The following NDUFA10 variants were observed in gnomAD, a reference collection of about 807,000 sequenced individuals.
The protein encoded by NDUFA10 is NADH dehydrogenase [ubiquinone] 1 alpha subcomplex subunit 10, mitochondrial.
A neutral mutation model predicts 47.8 loss-of-function variants in NDUFA10; 40 were observed. The observed-to-expected ratio is 0.84, with a 90% CI of 0.65 to 1.09. The LOEUF is 1.09. NDUFA10 is among the 50% of genes least tolerant of loss of function. NDUFA10 has a pLI of 0.00. For synonymous variants in NDUFA10, 183 were observed against 172.2 expected (o/e 1.06, Z -0.49); for missense variants, 413 against 451.1 (o/e 0.92, Z 0.76).
At chr2:239,932,037 T>G (rs1431506943) in intron 4 of NDUFA10, among the ~76,000 whole-genome samples, 1 of 151,954 alleles carries the variant, frequency 6.6e-6, no homozygotes, top group Non-Finnish European at 1.5e-5. Flanking sequence ...GGTTTCACCA[T>G]ATTAGCCAGG....
chr2:239,966,634 T>A (rs1313963313), intron 9 of NDUFA10, among the ~76,000 whole-genome samples: 2 of 152,074 alleles, frequency 1.3e-5, no homozygotes, highest in Non-Finnish European at 2.9e-5. Context: ...GTGTCAGAAG[T>A]CCATGCTTAA....
chr2:239,936,517 A>AT (rs1294945533), intron 4 of NDUFA10, among the ~76,000 whole-genome samples: 3 of 152,096 alleles, frequency 2.0e-5, no homozygotes, highest in Non-Finnish European at 4.4e-5. Context: ...AGGCTGGGGG[A>AT]TGACGACGGG....
At chr2:239,932,734 CA>C (rs1330668664) in intron 4 of NDUFA10, among the ~76,000 whole-genome samples, 3 of 152,140 alleles carry the variant, frequency 2.0e-5, no homozygotes, top group African/African-American at 7.2e-5. Flanking sequence ...CATCCGCCAC[CA>C]TACCCGGCTA....
At chr2:240,018,889 C>A (rs544446434) in intron 3 of NDUFA10, among the ~76,000 whole-genome samples, 2 of 152,232 alleles carry the variant, frequency 1.3e-5, no homozygotes, top group South Asian at 4.1e-4. Flanking sequence ...CCGGTTAATA[C>A]AAAAAGTGCT....
Position 239,987,735 on chromosome 2 carries a change from C to T in NDUFA10, c.999+2339G>A, listed in dbSNP as rs534300035. On this transcript the variant is annotated intron_variant, in intron 9 of 9. Transcript: ENST00000252711. The surrounding 1 kb of genome is among the most constrained non-coding windows in gnomAD (Gnocchi z 4.8). ...AGGGAAGGGGTGGGCAGCCGTGGGG[C>T]GAATGCGCAGGCAGAGCTGCCGAGC... Among the ~76,000 whole-genome samples, 1 of 152,264 alleles carries T rather than the reference C, an allele frequency of 6.6e-6. No homozygotes were observed. Among genetic ancestry groups the T allele is most frequent in the East Asian group, 1.9e-4 (1 of 5,184 alleles).
At chr2:239,984,213 A>G (rs1163114273) in intron 9 of NDUFA10, among the ~76,000 whole-genome samples, 2 of 148,834 alleles carry the variant, frequency 1.3e-5, no homozygotes, top group Non-Finnish European at 3.0e-5. Context: ...AGCCTGGGCG[A>G]TAGAGTGACA....
At chr2:239,917,671 C>G (rs1324041537) in intron 4 of NDUFA10, among the ~76,000 whole-genome samples, 1 of 152,224 alleles carries the variant, frequency 6.6e-6, no homozygotes, top group Non-Finnish European at 1.5e-5. Flanking sequence ...ATCCTTGCTT[C>G]CACACCACTG....
chr2:240,001,654 T>C (rs1189957926), intron 8 of NDUFA10, among the ~76,000 whole-genome samples: 1 of 152,258 alleles, frequency 6.6e-6, no homozygotes, highest in African/African-American at 2.4e-5. Flanking sequence ...AATATACTTT[T>C]ATTTTCTCCT....
At chr2:239,921,742 A>G (rs1322099104) in intron 4 of NDUFA10, among the ~76,000 whole-genome samples, 1 of 152,094 alleles carries the variant, frequency 6.6e-6, no homozygotes, top group Non-Finnish European at 1.5e-5. Flanking sequence ...GTCAGACATT[A>G]GTGAGGTTCT....
At chr2:239,952,125 G>A (rs1321888737) in intron 4 of NDUFA10, among the ~76,000 whole-genome samples, 4 of 152,178 alleles carry the variant, frequency 2.6e-5, no homozygotes, top group South Asian at 4.1e-4. Context: ...TGCCACACCT[G>A]CTCGCAGAGG....
intron 1 of NDUFA10, among the ~76,000 whole-genome samples, chr2:240,023,910 A>C (rs1038386529): frequency 1.3e-5 from 2 of 152,248 alleles, no homozygotes; most frequent in African/African-American, 4.8e-5. Flanking sequence ...GTATATCATG[A>C]GATATTCCAA....
At chr2:240,004,006 C>T (rs1489146635) in intron 8 of NDUFA10, among the ~76,000 whole-genome samples, 6 of 152,202 alleles carry the variant, frequency 3.9e-5, no homozygotes, top group Non-Finnish European at 7.4e-5. Context: ...CTAGGTACGT[C>T]CTCAAGAAAC....
chr2:239,962,213 AC>A (rs1694882081), intron 9 of NDUFA10, among the ~76,000 whole-genome samples: 1 of 107,036 alleles, frequency 9.3e-6, no homozygotes, highest in Non-Finnish European at 2.0e-5. Context: ...ATTTGTGTAC[AC>A]ACACACACAC....
At chr2:239,902,702 G>C (rs1367606877) in intron 4 of NDUFA10, among the ~76,000 whole-genome samples, 1 of 152,194 alleles carries the variant, frequency 6.6e-6, no homozygotes, top group East Asian at 1.9e-4. Context: ...CTCGTTCTGT[G>C]CATGCCTGGT....
intron 1 of NDUFA10, 113 bp downstream of exon 1, chr2:240,025,114 G>A (rs1038071954): frequency 3.5e-5 from 39 of 1,122,786 alleles, no homozygotes; most frequent in Non-Finnish European, 4.4e-5. Context: ...AACCCACCCG[G>A]AGAGCGACCT....
intron 4 of NDUFA10, among the ~76,000 whole-genome samples, chr2:239,926,460 A>C (rs1694067457): frequency 6.6e-6 from 1 of 152,230 alleles, no homozygotes; most frequent in African/African-American, 2.4e-5. Context: ...AGGCTGGTGT[A>C]AGCAAACCTA....
At chr2:239,925,176 TGA>T (rs563800691) in intron 4 of NDUFA10, among the ~76,000 whole-genome samples, 304 of 152,272 alleles carry the variant, frequency 2.0e-3, no homozygotes, top group Non-Finnish European at 3.4e-3. Flanking sequence ...TGTGCAGATG[TGA>T]ATAAGCATAT....
intron 4 of NDUFA10, among the ~76,000 whole-genome samples, chr2:239,911,547 C>T (rs768428146): frequency 3.3e-5 from 5 of 152,196 alleles, no homozygotes; most frequent in African/African-American, 7.2e-5. Flanking sequence ...TGGTTACTTC[C>T]TTCACAGTTT....
intron 9 of NDUFA10, among the ~76,000 whole-genome samples, chr2:239,965,028 G>C (rs773461103): frequency 5.9e-5 from 9 of 152,196 alleles, no homozygotes; most frequent in Non-Finnish European, 1.3e-4. Context: ...CACAGGACCA[G>C]CCACGCAGGT....
Sources: allele counts gnomAD v4.1 joint callset (sites outside exome capture counted in the v4.1 genomes callset), GRCh38; gene constraint gnomAD v4.1.1; non-coding constraint Gnocchi (gnomAD v3.1); transcripts MANE v1.5; gene names NCBI Gene and HGNC (gene_info 2026-07-23, HGNC 2026-07-21).